Variants in PTPRS observed in about 807,000 individuals in gnomAD.
The protein encoded by PTPRS is protein tyrosine phosphatase receptor type S, also known as receptor-type tyrosine-protein phosphatase S.
PTPRS carries 63 observed loss-of-function variants against 215.3 expected under a neutral mutation model. That is an observed-to-expected ratio of 0.29 (90% CI 0.24 to 0.36). PTPRS has a LOEUF of 0.36. PTPRS is among the 10% of genes least tolerant of loss of function. The pLI, the probability that PTPRS is intolerant of heterozygous loss-of-function variation, is 1.00. For synonymous variants in PTPRS, 1,404 were observed against 1,191.4 expected (o/e 1.18, Z -3.68); for missense variants, 2,258 against 2,825.8 (o/e 0.80, Z 4.56).
At chr19:5,243,364 G>A (rs2044211380) in intron 11 of PTPRS, among the ~76,000 whole-genome samples, 1 of 151,968 alleles carries the variant, frequency 6.6e-6, no homozygotes. Context: ...TCAAACTCCT[G>A]ACCTCAGGTA....
intron 16 of PTPRS, among the ~76,000 whole-genome samples, chr19:5,227,814 G>A (rs576436834): frequency 2.6e-5 from 4 of 152,294 alleles, no homozygotes; most frequent in African/African-American, 9.6e-5. Flanking sequence ...CATAGTAGGT[G>A]CTCAATAAGT....
chr19:5,222,972 G>C lies in PTPRS; in HGVS notation c.2820C>G (p.Asn940Lys). 1 of 1,541,202 alleles carries C rather than the reference G, an allele frequency of 6.5e-7. No individual in the cohort carries two copies. Among genetic ancestry groups the C allele is most frequent in the Non-Finnish European group, 8.7e-7 (1 of 1,148,176 alleles). The change falls in exon 18 of 38, where the codon AAC becomes AAG. Residue 940 changes from asparagine (N) to lysine (K), a missense_variant. Asn to Lys is a moderately conservative substitution (Grantham distance 94). Around this residue, in one of 6 missense-constraint regions of PTPRS, gnomAD observed 361 missense variants for 332.6 expected, o/e 1.09. Coordinates refer to ENST00000262963, the MANE Select transcript of PTPRS (RefSeq NM_002850.4). ...GGAGAAGGACGGTCCCGGCCGAGGC[G>C]TTGCCGGCCGCCTCCAGAATCTGCG... ...GHPQILEAAG[N>K]ASAGTVLLRW... is the part of the protein sequence containing the mutation.
In PTPRS at chr19:5,338,417, G is replaced by A. The variant is rs1051278186; in HGVS notation, c.-95+2247C>T. Among the ~76,000 whole-genome samples, 1 of 152,140 alleles carries A rather than the reference G, an allele frequency of 6.6e-6. No homozygotes were observed. The highest frequency in any genetic ancestry group is 2.4e-5 in the African/African-American group (1 of 41,436). On this transcript the variant is annotated intron_variant, in intron 1 of 37. Coordinates refer to ENST00000262963, the MANE Select transcript of PTPRS (RefSeq NM_002850.4). The surrounding 1 kb of genome is among the most constrained non-coding windows in gnomAD (Gnocchi z 4.2). The stretch of plus-strand genomic sequence containing the variant: ...GGGTGTCCCCCGGGCCTGGGGAACA[G>A]GGCAGGACCCTGCTTCCCGGAGGGA...
At chr19:5,268,202 T>G (rs12973625) in intron 4 of PTPRS, among the ~76,000 whole-genome samples, 1 of 139,886 alleles carries the variant, frequency 7.1e-6, no homozygotes, top group Non-Finnish European at 1.6e-5. Flanking sequence ...AATTAATTAA[T>G]TAAATAAAGT....
chr19:5,239,678 G>C lies in PTPRS; in HGVS notation c.1704+521C>G, dbSNP rs1020229213. On this transcript the variant is annotated intron_variant, in intron 12 of 37. Coordinates refer to ENST00000262963, the MANE Select transcript of PTPRS (RefSeq NM_002850.4). ...CAGGGACAGAGAAAGAGAGGAGAGA[G>C]AGACAGAAATAGAGATAGAGACAGA... is the stretch of plus-strand genomic sequence containing the variant. Among the ~76,000 whole-genome samples, 5 of 151,110 alleles carry C rather than the reference G, an allele frequency of 3.3e-5. No homozygotes were observed. The East Asian group carries it at 9.7e-4, about 29-fold the overall frequency.
rs200850387 is a variant in PTPRS, at chr19:5,215,566, C to T, written c.4126G>A (p.Ala1376Thr). ...CGCTCCGTGTGCTCCGCCATGTCTGCGATGGGAATTGGCGGGTGGCTAAGC... is the reference window on the plus strand; with the variant it reads ...CGCTCCGTGTGCTCCGCCATGTCTGTGATGGGAATTGGCGGGTGGCTAAGC... Reference protein sequence around the residue: ...SMLSHPPIPIADMAEHTERLK... With the variant: ...SMLSHPPIPITDMAEHTERLK... The change falls in exon 27 of 38, where the codon GCA (alanine) becomes ACA (threonine). Residue 1376 changes from alanine (A) to threonine (T), a missense_variant. Physicochemically the swap from Ala to Thr is moderately conservative, Grantham distance 58 (BLOSUM62 0). Coordinates refer to ENST00000262963, the MANE Select transcript of PTPRS (RefSeq NM_002850.4). 56 of 1,609,422 alleles carry T rather than the reference C, an allele frequency of 3.5e-5. No individual in the cohort carries two copies. Among genetic ancestry groups the T allele is most frequent in the Middle Eastern group, 1.7e-4 (1 of 5,946 alleles).
Position 5,231,369 on chromosome 19 carries a change from T to C in PTPRS, c.2096A>G (p.His699Arg). ...WTQYRITTVA[H>R]TEVGPGPESS... ...CTCGGGCCCTGGTCCCACCTCTGTGTGAGCGACAGTCGTGATGCGGTACTG... is the reference window on the plus strand; with the variant it reads ...CTCGGGCCCTGGTCCCACCTCTGTGCGAGCGACAGTCGTGATGCGGTACTG... Residue 699 changes from histidine to arginine, a missense_variant, in exon 14 of 38, where the codon CAC (histidine) becomes CGC (arginine). Physicochemically the swap from His to Arg is conservative, Grantham distance 29. Coordinates refer to ENST00000262963, the MANE Select transcript of PTPRS (RefSeq NM_002850.4). The C allele has an allele frequency of 6.2e-7, 1 of 1,612,772 alleles. No homozygotes were observed. The highest frequency in any genetic ancestry group is 8.5e-7 in the Non-Finnish European group (1 of 1,179,900).
At chr19:5,255,940 T>C (rs769927819) in intron 9 of PTPRS, among the ~76,000 whole-genome samples, 168 bp downstream of exon 9, 36 of 152,012 alleles carry the variant, frequency 2.4e-4, no homozygotes, top group Non-Finnish European at 4.6e-4. Flanking sequence ...TTTGTGCTTA[T>C]GATTCATATT....
intron 1 of PTPRS, among the ~76,000 whole-genome samples, chr19:5,333,229 C>T (rs2050383636): frequency 6.9e-6 from 1 of 145,168 alleles, no homozygotes; most frequent in South Asian, 2.2e-4. Context: ...CCAGCATTTT[C>T]CGAGGCCAAG....
rs145480363 is a variant in PTPRS, at chr19:5,329,258, G to T, written c.-95+11406C>A. ...GAAGAGGAGGAGAGATGAGGCCAGC[G>T]GCCCACAGAGAGGAGTCTGAGGGTG... On this transcript the variant is annotated intron_variant, in intron 1 of 37. Coordinates refer to ENST00000262963, the MANE Select transcript of PTPRS (RefSeq NM_002850.4). Among the ~76,000 whole-genome samples the T allele has an allele frequency of 2.3e-3, 346 of 152,044 alleles. 2 individuals carry two copies. Among genetic ancestry groups the T allele is most frequent in the Non-Finnish European group, 2.8e-3 (191 of 67,948 alleles).
chr19:5,252,139 G>A (rs2045151746), intron 9 of PTPRS, among the ~76,000 whole-genome samples: 1 of 152,192 alleles, frequency 6.6e-6, no homozygotes, highest in Non-Finnish European at 1.5e-5. Flanking sequence ...GAAGACCTGG[G>A]AATCGGGCAA....
At chr19:5,207,292 C>G (rs2040449543) in intron 37 of PTPRS, among the ~76,000 whole-genome samples, 2 of 152,210 alleles carry the variant, frequency 1.3e-5, no homozygotes, top group Non-Finnish European at 2.9e-5. Context: ...GCCATGTTGG[C>G]CAGGCTGGTC....
chr19:5,227,158 C>T (rs901627829), intron 16 of PTPRS, among the ~76,000 whole-genome samples: 21 of 152,064 alleles, frequency 1.4e-4, no homozygotes, highest in East Asian at 1.2e-3. Context: ...GTGATCCTCC[C>T]GCCTTAGCCT....
chr19:5,223,027 C>G lies in PTPRS; in HGVS notation c.2765G>C (p.Ser922Thr). ...GCCACGGGGCGTGTCCTCCGGGATG[C>G]TCAGGACCTCGGCTGCCTCCTCGCC... The part of the protein sequence containing the change: ...GLGEEAAEVL[S>T]IPEDTPRGHP... Residue 922 changes from serine (S) to threonine (T), a missense_variant, in exon 18 of 38, where the codon AGC (serine) becomes ACC (threonine). Coordinates refer to ENST00000262963, the MANE Select transcript of PTPRS (RefSeq NM_002850.4). 1 of 1,546,198 alleles carries G rather than the reference C, an allele frequency of 6.5e-7. No homozygotes were observed. The highest frequency in any genetic ancestry group is 2.4e-5 in the East Asian group (1 of 41,146).
At chr19:5,285,012 A>C (rs568655406) in intron 2 of PTPRS, among the ~76,000 whole-genome samples, 13 of 152,210 alleles carry the variant, frequency 8.5e-5, no homozygotes, top group Admixed American at 2.6e-4. Flanking sequence ...TGAATGAGGC[A>C]GGGGTGTATG....
intron 12 of PTPRS, among the ~76,000 whole-genome samples, chr19:5,239,852 A>C (rs376306744): frequency 7.2e-5 from 11 of 152,030 alleles, no homozygotes; most frequent in African/African-American, 2.7e-4. Flanking sequence ...ACAGAGACAT[A>C]AACAGACAGA....
intron 9 of PTPRS, among the ~76,000 whole-genome samples, chr19:5,246,804 C>CT (rs2044528959): frequency 6.6e-6 from 1 of 152,094 alleles, no homozygotes; most frequent in Non-Finnish European, 1.5e-5. Flanking sequence ...TATAGAAACC[C>CT]TTCTAAAAGC....
rs997237570 is a variant in PTPRS, at chr19:5,221,191, G to A, written c.3264C>T (p.His1088=). 12 of 1,613,934 alleles carry A rather than the reference G, an allele frequency of 7.4e-6. No homozygotes were observed. Among genetic ancestry groups the A allele is most frequent in the Admixed American group, 3.3e-5 (2 of 59,996 alleles). Residue 1088 remains histidine (H), a synonymous_variant, in exon 20 of 38, where the codon CAC becomes CAT. Coordinates refer to ENST00000262963, the MANE Select transcript of PTPRS (RefSeq NM_002850.4). The part of the protein sequence containing the change: ...DGRTTKKLIT[H]LKPHTFYNFV... ...AGTTGTAGAAGGTGTGGGGCTTGAG[G>A]TGCGTGATGAGCTTCTTGGTGGTAC...
rs1277502427 is a variant in PTPRS, at chr19:5,210,449, C to T, written c.5487+20G>A. 1.2e-6 allele frequency: 2 copies of T among 1,614,082 alleles called. No individual in the cohort carries two copies. Among genetic ancestry groups the T allele is most frequent in the East Asian group, 2.2e-5 (1 of 44,888 alleles). The stretch of plus-strand genomic sequence containing the variant: ...TCACTAAGGCTCCAGCCCCTCCCGC[C>T]AGTCTGTCTCTTCACTCACCCGGGC... On this transcript the variant is annotated intron_variant, in intron 35 of 37. Coordinates refer to ENST00000262963, the MANE Select transcript of PTPRS (RefSeq NM_002850.4). This position sits in a 1 kb window ranked among gnomAD's most constrained non-coding sequence, Gnocchi z 4.5.
Sources: allele counts gnomAD v4.1 joint callset (sites outside exome capture counted in the v4.1 genomes callset), GRCh38; gene constraint gnomAD v4.1.1; regional missense constraint gnomAD v4.1.1; non-coding constraint Gnocchi (gnomAD v3.1); transcripts MANE v1.5; gene names NCBI Gene and HGNC (gene_info 2026-07-23, HGNC 2026-07-21).